The following PCDHGA9 variants were observed in gnomAD, a reference collection of about 807,000 sequenced individuals.
The protein encoded by PCDHGA9 is protocadherin gamma-A9.
A neutral mutation model predicts 62.5 loss-of-function variants in PCDHGA9; 37 were observed. That is an observed-to-expected ratio of 0.59 (90% confidence interval 0.46 to 0.78). The LOEUF is 0.78. Ranked by LOEUF, PCDHGA9 falls within the 30% of genes least tolerant of loss-of-function variation. The pLI is 0.00. For missense variants in PCDHGA9, 1,138 were observed against 1,166.2 expected (o/e 0.98, Z 0.35); for synonymous variants, 459 against 484.6 (o/e 0.95, Z 0.69).
chr5:141,470,577 C>T (rs75062402), intron 1 of PCDHGA9, among the ~76,000 whole-genome samples: 8,307 of 152,270 alleles, frequency 0.055, 479 homozygotes, highest in African/African-American at 0.15. Flanking sequence ...GCAGGATCAA[C>T]TTCATAGGCA....
At position 141,427,625 on chromosome 5, in the gene PCDHGA9, T is replaced by G. The variant is rs150347956; in HGVS notation, c.2424+22249T>G. On this transcript the variant is annotated intron_variant, in intron 1 of 3. Coordinates refer to ENST00000573521, the MANE Select transcript of PCDHGA9 (RefSeq NM_018921.3). Reference sequence around the variant, plus strand: ...GCATTGGTGAAGTCAACGACAATGCTCCGGTTTTCCACCAAGTCTCCTACG... The same window carrying G: ...GCATTGGTGAAGTCAACGACAATGCGCCGGTTTTCCACCAAGTCTCCTACG... The G allele has an allele frequency of 2.7e-3, 1,907 of 699,068 alleles. 5 individuals are homozygous for G. The highest frequency in any genetic ancestry group is 4.1e-3 in the Non-Finnish European group (1,558 of 384,098). The allele number at this position is 699,068 out of a possible 1,614,324, so 43.3% of individuals were successfully genotyped here.
At position 141,404,234 on chromosome 5, in the gene PCDHGA9, G is replaced by C. The variant is rs2094500908; in HGVS notation, c.1282G>C (p.Gly428Arg). Residue 428 changes from glycine to arginine, a missense_variant, in exon 1 of 4, where the codon GGA (glycine) becomes CGA (arginine). Gly to Arg is a moderately radical substitution (Grantham distance 125). Transcript: ENST00000573521. ...TATCACGGTGACTGCAACAGACAGA[G>C]GAACTCCGCCCCTGTCCACAGAAAT... ...YNITVTATDRGTPPLSTEIHI... is the reference protein window; with the variant it reads ...YNITVTATDRRTPPLSTEIHI... 1 of 1,613,652 alleles carries C rather than the reference G, an allele frequency of 6.2e-7. No individual in the cohort carries two copies. The highest frequency in any genetic ancestry group is 1.1e-5 in the South Asian group (1 of 91,058).
In PCDHGA9 at chr5:141,404,943, TAGCTGAC is replaced by T. The variant is rs770372146; in HGVS notation, c.1995_2001del (p.Asp666SerfsTer49). On this transcript the variant is annotated frameshift_variant, in exon 1 of 4. Transcript: ENST00000573521. LOFTEE classifies it high-confidence loss of function. ...GCCACTGTCACGCTCACAGTAGCCA[TAGCTGAC>T]AGCATCCCAGACATCCTGGCTGACC... 24 of 1,613,914 alleles carry T rather than the reference TAGCTGAC, an allele frequency of 1.5e-5. No individual in the cohort carries two copies. In the East Asian group the frequency reaches 4.0e-4, roughly 27 times the overall value.
At chr5:141,421,081 A>G (rs775366249) in intron 1 of PCDHGA9, 61 of 637,820 alleles carry the variant, frequency 9.6e-5, no homozygotes, top group Non-Finnish European at 1.4e-4. Flanking sequence ...ATGGATACTC[A>G]CAGATCCTGA....
At position 141,404,000 on chromosome 5, in the gene PCDHGA9, A is replaced by T. The variant is rs758512396; in HGVS notation, c.1048A>T (p.Thr350Ser). ...VNDNRPEVTI[T>S]SLFSPVREDA... ...TGACAATAGACCTGAAGTGACCATT[A>T]CATCTCTGTTTAGCCCAGTGAGAGA... The change falls in exon 1 of 4, where the codon ACA (threonine) becomes TCA (serine). Residue 350 changes from threonine (T) to serine (S), a missense_variant. By Grantham distance (58) the Thr-to-Ser change is moderately conservative. Transcript: ENST00000573521. 1.2e-6 allele frequency: 2 copies of T among 1,613,956 alleles called. No individual in the cohort carries two copies. Among genetic ancestry groups the T allele is most frequent in the South Asian group, 1.1e-5 (1 of 91,088 alleles).
chr5:141,422,359 G>A, intron 1 of PCDHGA9: 1 of 1,558,858 alleles, frequency 6.4e-7, no homozygotes, highest in Non-Finnish European at 8.6e-7. Flanking sequence ...TCAAGATTCT[G>A]GAGAAAATGG....
chr5:141,465,019 G>T (rs533151051), intron 1 of PCDHGA9, among the ~76,000 whole-genome samples: 1 of 151,978 alleles, frequency 6.6e-6, no homozygotes, highest in Non-Finnish European at 1.5e-5. Context: ...TAAGATTACA[G>T]CCATGAACCA....
chr5:141,428,173 C>G, intron 1 of PCDHGA9: 1 of 1,514,730 alleles, frequency 6.6e-7, no homozygotes. Context: ...CTGTGCGTGA[C>G]GGAGGACAGC....
chr5:141,408,202 G>A (rs778320550), intron 1 of PCDHGA9: 6 of 1,549,832 alleles, frequency 3.9e-6, no homozygotes, highest in African/African-American at 1.4e-5. Flanking sequence ...CCGAGCGAAC[G>A]ATGGGAGGGA....
chr5:141,431,053 G>A lies in PCDHGA9; in HGVS notation c.2424+25677G>A, dbSNP rs1208370015. On this transcript the variant is annotated intron_variant, in intron 1 of 3. Coordinates refer to ENST00000573521, the MANE Select transcript of PCDHGA9 (RefSeq NM_018921.3). This position sits in a 1 kb window ranked among gnomAD's most constrained non-coding sequence, Gnocchi z 4.8. ...TAGACCGGGAGGAGCTCTGTATGGG[G>A]GCCATCAAGTGTCAATTAAATCTAG... 1 of 1,614,174 alleles carries A rather than the reference G, an allele frequency of 6.2e-7. No homozygotes were observed. Among genetic ancestry groups the A allele is most frequent in the Admixed American group, 1.7e-5 (1 of 60,030 alleles).
intron 1 of PCDHGA9, 168 bp downstream of exon 1, chr5:141,405,544 C>T: frequency 1.6e-6 from 1 of 632,908 alleles, no homozygotes; most frequent in Non-Finnish European, 2.7e-6. Context: ...CTCAGCCTCC[C>T]AAGTAGAGTA....
intron 1 of PCDHGA9, chr5:141,423,809 GT>G (rs1484832928): frequency 7.9e-7 from 1 of 1,259,912 alleles, no homozygotes; most frequent in African/African-American, 1.6e-5. Context: ...ATACATGTGA[GT>G]TTTACTTTGC....
chr5:141,478,076 C>G (rs1486983629), intron 1 of PCDHGA9: 2 of 1,614,106 alleles, frequency 1.2e-6, no homozygotes, highest in Non-Finnish European at 1.7e-6. Context: ...CAATGGGGAG[C>G]CTTCGCTCTC....
At chr5:141,467,604 CT>C (rs2099147202) in intron 1 of PCDHGA9, among the ~76,000 whole-genome samples, 1 of 152,204 alleles carries the variant, frequency 6.6e-6, no homozygotes, top group Non-Finnish European at 1.5e-5. Context: ...AGCACTTCAT[CT>C]TTGTCCCAGT....
intron 1 of PCDHGA9, among the ~76,000 whole-genome samples, chr5:141,456,691 G>A (rs564429451): frequency 3.3e-5 from 5 of 152,234 alleles, no homozygotes; most frequent in South Asian, 4.1e-4. Flanking sequence ...CTGGCCAGGC[G>A]TGGTGGCTCG....
At chr5:141,419,558 C>T (rs560723941) in intron 1 of PCDHGA9, 1 of 1,611,970 alleles carries the variant, frequency 6.2e-7, no homozygotes, top group African/African-American at 1.3e-5. Context: ...GTACCCTGCG[C>T]TGGGTCCCGA....
At chr5:141,428,112 A>G (rs2097111373) in intron 1 of PCDHGA9, 1 of 1,607,642 alleles carries the variant, frequency 6.2e-7, no homozygotes, top group Non-Finnish European at 8.5e-7. Context: ...GCTGCAGGCC[A>G]TCGAGCCCGG....
chr5:141,409,226 G>A (rs753236012), intron 1 of PCDHGA9: 1 of 1,613,862 alleles, frequency 6.2e-7, no homozygotes, highest in African/African-American at 1.3e-5. Flanking sequence ...TGATGAAAAC[G>A]ACAACAGCCC....
chr5:141,407,529 T>G (rs2154538729), intron 1 of PCDHGA9, among the ~76,000 whole-genome samples: 1 of 151,552 alleles, frequency 6.6e-6, no homozygotes, highest in South Asian at 2.1e-4. Context: ...CTTAACTTAT[T>G]GTGCATTGGT....
Sources: gnomAD v4.1 joint callset for allele counts (sites outside exome capture counted in the v4.1 genomes callset) on GRCh38, gnomAD v4.1.1 for gene constraint, Gnocchi (gnomAD v3.1) non-coding constraint, MANE v1.5 for transcripts, NCBI Gene and HGNC (gene_info 2026-07-23, HGNC 2026-07-21) for gene names.